The following PDIA6 variants were observed in gnomAD, a reference collection of about 807,000 sequenced individuals.
PDIA6 encodes the protein protein disulfide-isomerase A6.
A neutral mutation model predicts 58.4 loss-of-function variants in PDIA6; 29 were observed. The observed-to-expected ratio is 0.50, with a 90% confidence interval of 0.37 to 0.68. The LOEUF is 0.68. Among genes scored for constraint, PDIA6 ranks in the 30% least tolerant of loss-of-function variants. The pLI, the probability that PDIA6 is intolerant of heterozygous loss-of-function variation, is 0.00. For missense variants in PDIA6, 480 were observed against 551.0 expected (o/e 0.87, Z 1.29); for synonymous variants, 192 against 202.6 (o/e 0.95, Z 0.44).
chr2:10,802,449 C>A (rs1484688929), intron 2 of PDIA6, 50 bp downstream of exon 2: 1 of 1,168,084 alleles, frequency 8.6e-7, no homozygotes. Flanking sequence ...GCGTTTTCTC[C>A]AATTTCAGAA....
upstream of PDIA6, among the ~76,000 whole-genome samples, chr2:10,814,896 G>A (rs1191820219): frequency 6.6e-6 from 1 of 152,244 alleles, no homozygotes. Context: ...CACACTGCCA[G>A]TGCCCTTTGT....
intron 11 of PDIA6, among the ~76,000 whole-genome samples, chr2:10,786,200 G>A (rs1228525794): frequency 6.6e-6 from 1 of 152,070 alleles, no homozygotes; most frequent in African/African-American, 2.4e-5. Context: ...GCAGGCGCCT[G>A]TAATCCCAGC....
chr2:10,784,362 G>C (rs774169603), intron 12 of PDIA6, 36 bp from the exon 13 acceptor site: 20 of 1,549,488 alleles, frequency 1.3e-5, no homozygotes, highest in Non-Finnish European at 1.7e-5. Flanking sequence ...TAGATCTGCA[G>C]AAGGGGACAC....
At chr2:10,803,858 T>C (rs1299946391) in intron 1 of PDIA6, among the ~76,000 whole-genome samples, 4 of 151,792 alleles carry the variant, frequency 2.6e-5, no homozygotes, top group African/African-American at 9.7e-5. Context: ...CCTTGATAAC[T>C]CTGACCCTGA....
chr2:10,831,158 G>A (rs938720579), intron 1 of PDIA6, among the ~76,000 whole-genome samples: 11 of 152,206 alleles, frequency 7.2e-5, no homozygotes, highest in South Asian at 2.1e-4. Context: ...ACTTGGAGCC[G>A]CAGATGAGTC....
At chr2:10,817,920 T>G (rs1667248705) in intron 2 of PDIA6, among the ~76,000 whole-genome samples, 1 of 152,212 alleles carries the variant, frequency 6.6e-6, no homozygotes, top group African/African-American at 2.4e-5. Context: ...GGGCTTAATG[T>G]TCTCAGGGTG....
intron 1 of PDIA6, among the ~76,000 whole-genome samples, chr2:10,830,069 C>T (rs62120277): frequency 0.26 from 39,360 of 152,110 alleles, 6,351 homozygotes; most frequent in Non-Finnish European, 0.36. Flanking sequence ...TAAGCCATGG[C>T]AGCCCTTCTA....
chr2:10,790,668 A>T, intron 7 of PDIA6, 51 bp downstream of exon 7: 1 of 1,321,660 alleles, frequency 7.6e-7, no homozygotes, highest in Admixed American at 1.7e-5. Context: ...TGGAAGAAGT[A>T]ACGAAACACC....
intron 1 of PDIA6, among the ~76,000 whole-genome samples, chr2:10,829,118 C>T (rs1021582114): frequency 2.0e-5 from 3 of 152,204 alleles, no homozygotes; most frequent in African/African-American, 7.2e-5. Context: ...ATCTGCTTAC[C>T]CGGTGTTGTG....
At position 10,797,739 on chromosome 2, in the gene PDIA6, T is replaced by C. The variant is rs1666329856; in HGVS notation, c.180A>G (p.Arg60=). The change falls in exon 3 of 13, where the codon AGA becomes AGG. Residue 60 remains arginine (R), a synonymous_variant. Transcript: ENST00000272227. ...FYAPWCGHCQ[R]LTPEWKKAAT... The stretch of plus-strand genomic sequence containing the variant: ...CTGCTTTCTTCCATTCTGGTGTTAA[T>C]CTTTGACAGTGACCACACCTTTTGG... The C allele has an allele frequency of 6.2e-7, 1 of 1,613,084 alleles. No individual in the cohort carries two copies. Among genetic ancestry groups the C allele is most frequent in the South Asian group, 1.1e-5 (1 of 90,878 alleles).
chr2:10,822,623 G>T (rs980608662), intron 1 of PDIA6, among the ~76,000 whole-genome samples: 1 of 152,158 alleles, frequency 6.6e-6, no homozygotes, highest in Non-Finnish European at 1.5e-5. Flanking sequence ...CTCCTTAGTG[G>T]GACTCATTGA....
chr2:10,784,208 TC>T lies in PDIA6; in HGVS notation c.*49del. ...GAATGTCCCTTCACTGCTGGAAAAA[TC>T]CACTGGCTCCCAAGAAAAGAAAATG... On this transcript the variant is annotated 3_prime_UTR_variant, in exon 13 of 13. Transcript: ENST00000272227. 6.8e-7 allele frequency: 1 copy of T among 1,472,064 alleles called. No individual in the cohort carries two copies. The highest frequency in any genetic ancestry group is 9.4e-7 in the Non-Finnish European group (1 of 1,062,944). 91.2% of individuals were successfully genotyped at this position (1,472,064 alleles called of 1,614,324 possible).
chr2:10,827,263 A>C (rs1177034974), intron 1 of PDIA6, among the ~76,000 whole-genome samples: 4 of 151,948 alleles, frequency 2.6e-5, no homozygotes, highest in Non-Finnish European at 2.9e-5. Flanking sequence ...GGGTTTCACT[A>C]TGTTGGCCAG....
intron 1 of PDIA6, among the ~76,000 whole-genome samples, chr2:10,827,955 A>T (rs1385095414): frequency 1.3e-5 from 2 of 151,826 alleles, no homozygotes; most frequent in Non-Finnish European, 2.9e-5. Flanking sequence ...CATTTAGTCT[A>T]TTAGAGCAGT....
intron 2 of PDIA6, among the ~76,000 whole-genome samples, chr2:10,800,563 G>C (rs986413245): frequency 8.5e-6 from 1 of 118,002 alleles, no homozygotes; most frequent in Admixed American, 9.3e-5. Context: ...TTATTTAAAC[G>C]TGAAGGTTTG....
chr2:10,834,740 T>C (rs1239745544), upstream of PDIA6, among the ~76,000 whole-genome samples: 12 of 24,722 alleles, frequency 4.9e-4, no homozygotes, highest in East Asian at 8.3e-3. Flanking sequence ...CCCTCCTTCC[T>C]TCCTTCCTTC....
At chr2:10,802,673 G>T in intron 1 of PDIA6, 33 bp from the exon 2 acceptor site, 2 of 1,376,412 alleles carry the variant, frequency 1.5e-6, no homozygotes, top group Non-Finnish European at 1.9e-6. Context: ...ACCATTAACA[G>T]CACTGTTCAT....
chr2:10,795,422 C>T (rs1479882757), intron 4 of PDIA6, among the ~76,000 whole-genome samples: 1 of 152,144 alleles, frequency 6.6e-6, no homozygotes, highest in Non-Finnish European at 1.5e-5. Flanking sequence ...AAAAAAGTCT[C>T]TCCCTAGAAC....
intron 1 of PDIA6, among the ~76,000 whole-genome samples, chr2:10,807,770 G>T (rs1558453227): frequency 6.6e-6 from 1 of 152,190 alleles, no homozygotes; most frequent in Non-Finnish European, 1.5e-5. Context: ...TTGTTTTACT[G>T]CTAAATCCTC....
Sources: gnomAD v4.1 joint callset for allele counts (sites outside exome capture counted in the v4.1 genomes callset) on GRCh38, gnomAD v4.1.1 for gene constraint, MANE v1.5 for transcripts, NCBI Gene and HGNC (gene_info 2026-07-23, HGNC 2026-07-21) for gene names.